ELP4: variants seen among roughly 807,000 people sequenced by gnomAD.
ELP4 encodes elongator acetyltransferase complex subunit 4, also known as elongator complex protein 4.
ELP4 carries 51 observed loss-of-function variants against 48.9 expected under a neutral mutation model. The ratio of observed to expected loss-of-function variants is 1.04; its 90% confidence interval spans 0.83 to 1.32. The LOEUF is 1.32. ELP4 is among the 40% of genes most tolerant of loss of function. The pLI, the probability that ELP4 is intolerant of heterozygous loss-of-function variation, is 0.00. For missense variants in ELP4, 519 were observed against 514.6 expected (o/e 1.01, Z -0.08); for synonymous variants, 210 against 189.2 (o/e 1.11, Z -0.90).
At chr11:31,586,932 G>C (rs889897884) in intron 3 of ELP4, among the ~76,000 whole-genome samples, 6 of 151,956 alleles carry the variant, frequency 3.9e-5, no homozygotes, top group African/African-American at 1.5e-4. Context: ...GAGCCACGGC[G>C]ACCGGCCAAA....
intron 1 of ELP4, among the ~76,000 whole-genome samples, chr11:31,519,069 C>G (rs1456098535): frequency 6.6e-6 from 1 of 152,038 alleles, no homozygotes; most frequent in Non-Finnish European, 1.5e-5. Context: ...CCCACTTCAG[C>G]CTCCCAAAGT....
At chr11:31,768,276 T>C (rs1209059396) in intron 9 of ELP4, among the ~76,000 whole-genome samples, 1 of 152,216 alleles carries the variant, frequency 6.6e-6, no homozygotes, top group South Asian at 2.1e-4. Flanking sequence ...TATCAAATAA[T>C]ACTAATTAAT....
At chr11:31,689,539 C>G (rs914555768) in intron 9 of ELP4, 2 of 151,726 alleles carry the variant, frequency 1.3e-5, no homozygotes, top group Non-Finnish European at 2.9e-5. Context: ...CAATTGCTGT[C>G]TGGGTTGATG....
chr11:31,781,512 T>G (rs1948377049), intron 9 of ELP4, among the ~76,000 whole-genome samples: 1 of 140,196 alleles, frequency 7.1e-6, no homozygotes, highest in Non-Finnish European at 1.5e-5. Context: ...TTTTTTTTTT[T>G]TTTTTTGGAC....
At chr11:31,736,148 A>G (rs1947311467) in intron 9 of ELP4, among the ~76,000 whole-genome samples, 1 of 152,220 alleles carries the variant, frequency 6.6e-6, no homozygotes. Context: ...ATGGAACAGA[A>G]CAGAGCCCTC....
chr11:31,554,502 A>C (rs1956899568), intron 3 of ELP4, among the ~76,000 whole-genome samples: 1 of 151,966 alleles, frequency 6.6e-6, no homozygotes, highest in African/African-American at 2.4e-5. Flanking sequence ...GATTTGGTAT[A>C]TGTATACATT....
chr11:31,522,752 A>C (rs1258787598), intron 2 of ELP4, among the ~76,000 whole-genome samples: 1 of 152,148 alleles, frequency 6.6e-6, no homozygotes, highest in Non-Finnish European at 1.5e-5. Context: ...TTCAGCCAAC[A>C]ATTATATCAG....
intron 9 of ELP4, among the ~76,000 whole-genome samples, chr11:31,722,625 A>G (rs1049916045): frequency 6.6e-6 from 1 of 152,116 alleles, no homozygotes; most frequent in Non-Finnish European, 1.5e-5. Context: ...CATTAAAAAT[A>G]CTAAAACATG....
chr11:31,650,158 C>A lies in ELP4; in HGVS notation c.1080C>A (p.Ile360=). 6.5e-7 allele frequency: 1 copy of A among 1,544,028 alleles called. No individual in the cohort carries two copies. Among genetic ancestry groups the A allele is most frequent in the Non-Finnish European group, 8.9e-7 (1 of 1,122,946 alleles). Residue 360 remains isoleucine, a synonymous_variant, in exon 9 of 10, where the codon ATC becomes ATA. Transcript: ENST00000640961. ...IRQIPRLNNL[I]CDESDVKDLA... is the part of the protein sequence containing the mutation. ...AGATTCCTCGGCTTAATAACTTGAT[C>A]TGTGATGAATCAGATGTCAAAGACT...
intron 1 of ELP4, among the ~76,000 whole-genome samples, chr11:31,513,542 A>T (rs940907244): frequency 2.0e-5 from 3 of 152,186 alleles, no homozygotes; most frequent in African/African-American, 4.8e-5. Context: ...AGGTCTGGAA[A>T]GGACTGGCAT....
intron 9 of ELP4, among the ~76,000 whole-genome samples, chr11:31,704,818 C>G (rs1946596963): frequency 6.6e-6 from 1 of 151,788 alleles, no homozygotes. Flanking sequence ...CGAGACCAGC[C>G]TGGCCAACAT....
At position 31,743,484 on chromosome 11, in the gene ELP4, C is replaced by T. The variant is rs189670274; in HGVS notation, c.1144-39909C>T. 4.4e-3 allele frequency among the ~76,000 whole-genome samples: 663 copies of T among 152,164 alleles called. 4 individuals are homozygous for T. The highest frequency in any genetic ancestry group is 0.015 in the African/African-American group (637 of 41,498). On this transcript the variant is annotated intron_variant, in intron 9 of 9. Coordinates refer to ENST00000640961, the MANE Select transcript of ELP4 (RefSeq NM_019040.5). ...ACACCACACCTACTCCAAAATTGAC[C>T]ACATAGTTGGAAGTAAAGCATTCCT... is the stretch of plus-strand genomic sequence containing the variant.
intron 5 of ELP4, among the ~76,000 whole-genome samples, chr11:31,626,681 G>A (rs1368580471): frequency 6.6e-6 from 1 of 151,770 alleles, no homozygotes; most frequent in African/African-American, 2.4e-5. Flanking sequence ...AATTAACTTT[G>A]ATGGAAGATG....
intron 9 of ELP4, among the ~76,000 whole-genome samples, chr11:31,655,158 T>C (rs1046303853): frequency 1.3e-5 from 2 of 152,166 alleles, no homozygotes; most frequent in African/African-American, 4.8e-5. Context: ...ATTATCATTC[T>C]CATGTTTATG....
chr11:31,768,862 G>A (rs547904025), intron 9 of ELP4, among the ~76,000 whole-genome samples: 1 of 152,174 alleles, frequency 6.6e-6, no homozygotes, highest in South Asian at 2.1e-4. Flanking sequence ...CTATCTGGGG[G>A]TGTGGGGGTA....
intron 9 of ELP4, among the ~76,000 whole-genome samples, chr11:31,679,912 G>A (rs1033557913): frequency 2.6e-5 from 4 of 152,116 alleles, no homozygotes; most frequent in Non-Finnish European, 2.9e-5. Context: ...TCATTCCTAG[G>A]GCTGGGTCCC....
At chr11:31,686,369 G>C (rs1327664951) in intron 9 of ELP4, among the ~76,000 whole-genome samples, 1 of 120,776 alleles carries the variant, frequency 8.3e-6, no homozygotes, top group African/African-American at 3.0e-5. Context: ...TTCTCATCTT[G>C]ATTATCTTAA....
chr11:31,682,372 G>T (rs560923900), intron 9 of ELP4, among the ~76,000 whole-genome samples: 1 of 152,296 alleles, frequency 6.6e-6, no homozygotes, highest in Admixed American at 6.5e-5. Context: ...AAGTCTGGTA[G>T]CACTACTTCG....
chr11:31,688,653 A>G (rs1196696501), intron 9 of ELP4, among the ~76,000 whole-genome samples: 1 of 152,230 alleles, frequency 6.6e-6, no homozygotes, highest in Non-Finnish European at 1.5e-5. Context: ...AGCAGAGTAT[A>G]CACTCAAGAA....
Sources: allele counts gnomAD v4.1 joint callset (sites outside exome capture counted in the v4.1 genomes callset), GRCh38; gene constraint gnomAD v4.1.1; transcripts MANE v1.5; gene names NCBI Gene and HGNC (gene_info 2026-07-23, HGNC 2026-07-21).